RABGAP1L: variants seen among roughly 807,000 people sequenced by gnomAD.
The protein encoded by RABGAP1L is RAB GTPase activating protein 1 like, also known as rab GTPase-activating protein 1-like.
A neutral mutation model predicts 137.7 loss-of-function variants in RABGAP1L; 63 were observed. The observed-to-expected ratio is 0.46, with a 90% CI of 0.37 to 0.56. RABGAP1L has a LOEUF of 0.56. RABGAP1L is among the 20% of genes least tolerant of loss of function. The pLI is 0.00. For synonymous variants in RABGAP1L, 431 were observed against 433.7 expected, an observed-to-expected ratio of 0.99 and a Z score of 0.08; for missense variants, 1,095 against 1,244.0, an observed-to-expected ratio of 0.88 and a Z score of 1.80.
chr1:174,350,884 C>T (rs1683102809), intron 11 of RABGAP1L, among the ~76,000 whole-genome samples: 1 of 103,116 alleles, frequency 9.7e-6, no homozygotes, highest in African/African-American at 3.9e-5. Flanking sequence ...CGGTTAGGGG[C>T]TGGAGACCGG....
rs1450407525 is a variant in RABGAP1L at position 174,448,816 on chromosome 1, A to C, written c.1710+54671A>C. Reference sequence around the variant, plus strand: ...TCAAAATTTGCCGTCAGCACACCAAAGAGATAAATGACCGAAGAGCCCGAT... The same window carrying C: ...TCAAAATTTGCCGTCAGCACACCAACGAGATAAATGACCGAAGAGCCCGAT... On this transcript the variant is annotated intron_variant, in intron 13 of 25. Transcript: ENST00000681986. The surrounding 1 kb of genome is among the most constrained non-coding windows in gnomAD (Gnocchi z 4.2). 3 of 1,614,080 alleles carry C rather than the reference A, an allele frequency of 1.9e-6. No individual in the cohort carries two copies. The highest frequency in any genetic ancestry group is 2.5e-6 in the Non-Finnish European group (3 of 1,179,934).
intron 13 of RABGAP1L, among the ~76,000 whole-genome samples, chr1:174,625,946 A>G (rs965614029): frequency 2.0e-5 from 3 of 152,336 alleles, no homozygotes. Flanking sequence ...GTATTTCAAA[A>G]GAGTTCAAAG....
At chr1:174,769,808 A>T (rs201661811) in intron 18 of RABGAP1L, among the ~76,000 whole-genome samples, 3 of 151,938 alleles carry the variant, frequency 2.0e-5, no homozygotes, top group African/African-American at 7.3e-5. Flanking sequence ...AGCCGAGATC[A>T]CGCCACTGCA....
At chr1:174,473,675 T>C (rs1658187499) in intron 13 of RABGAP1L, among the ~76,000 whole-genome samples, 1 of 152,250 alleles carries the variant, frequency 6.6e-6, no homozygotes, top group Non-Finnish European at 1.5e-5. Flanking sequence ...TGTTAAACTT[T>C]AAAAGTTCTC....
intron 24 of RABGAP1L, among the ~76,000 whole-genome samples, chr1:174,984,425 A>G (rs1215252069): frequency 6.6e-6 from 1 of 152,254 alleles, no homozygotes; most frequent in African/African-American, 2.4e-5. Flanking sequence ...ATGCAAATTA[A>G]GAACTTCGGA....
At chr1:174,201,441 G>A (rs1188892471) in intron 1 of RABGAP1L, among the ~76,000 whole-genome samples, 8 of 152,098 alleles carry the variant, frequency 5.3e-5, no homozygotes, top group African/African-American at 7.2e-5. Flanking sequence ...CAGGTGATCC[G>A]CCCACCTTGG....
intron 13 of RABGAP1L, among the ~76,000 whole-genome samples, chr1:174,437,293 C>G (rs1205114162): frequency 1.3e-5 from 2 of 151,944 alleles, no homozygotes; most frequent in East Asian, 3.9e-4. Context: ...GAAGTTCGAA[C>G]CAATGGCAAA....
At chr1:174,729,806 G>A (rs1347124734) in intron 17 of RABGAP1L, among the ~76,000 whole-genome samples, 3 of 152,060 alleles carry the variant, frequency 2.0e-5, no homozygotes, top group Non-Finnish European at 4.4e-5. Flanking sequence ...TTATTAAAAA[G>A]TAAAAATAAA....
At chr1:174,908,168 A>G (rs923355170) in intron 19 of RABGAP1L, among the ~76,000 whole-genome samples, 1 of 152,220 alleles carries the variant, frequency 6.6e-6, no homozygotes, top group African/African-American at 2.4e-5. Context: ...GCAGATGTTA[A>G]ATCTAAAAGG....
chr1:174,270,610 A>C (rs1190607076), intron 7 of RABGAP1L, among the ~76,000 whole-genome samples: 2 of 152,012 alleles, frequency 1.3e-5, no homozygotes, highest in African/African-American at 4.8e-5. Context: ...AAAAATTAAA[A>C]AAAATCTTTT....
intron 1 of RABGAP1L, among the ~76,000 whole-genome samples, chr1:174,195,841 T>TC (rs1336906099): frequency 1.3e-4 from 16 of 127,800 alleles, no homozygotes; most frequent in Non-Finnish European, 2.1e-4. Flanking sequence ...TTCTTCTTCT[T>TC]TTTTTTTTTT....
intron 1 of RABGAP1L, among the ~76,000 whole-genome samples, chr1:174,208,404 G>A (rs766091296): frequency 4.6e-5 from 7 of 152,044 alleles, no homozygotes; most frequent in African/African-American, 7.2e-5. Context: ...TGTCTGCTTC[G>A]TGATTATTAA....
intron 1 of RABGAP1L, among the ~76,000 whole-genome samples, chr1:174,202,471 A>G (rs934440417): frequency 2.6e-5 from 4 of 152,142 alleles, no homozygotes; most frequent in Admixed American, 2.6e-4. Flanking sequence ...GTCTGTTCAT[A>G]TCCTTCGCCT....
intron 19 of RABGAP1L, among the ~76,000 whole-genome samples, chr1:174,927,516 C>T (rs1381598929): frequency 2.0e-5 from 3 of 152,102 alleles, no homozygotes; most frequent in Non-Finnish European, 4.4e-5. Context: ...AGGAATGAGA[C>T]AACACACCAA....
At chr1:174,539,853 T>C (rs547540934) in intron 13 of RABGAP1L, among the ~76,000 whole-genome samples, 47 of 152,352 alleles carry the variant, frequency 3.1e-4, no homozygotes, top group East Asian at 2.1e-3. Context: ...TTCTAGATCA[T>C]TGAGGAATCG....
rs1056607107 is a variant in RABGAP1L at position 174,624,962 on chromosome 1, C to G, written c.1711-12413C>G. Among the ~76,000 whole-genome samples, 10 of 151,736 alleles carry G rather than the reference C, an allele frequency of 6.6e-5. No homozygotes were observed. The South Asian group carries it at 8.4e-4, about 13-fold the overall frequency. Reference sequence around the variant, plus strand: ...CTTGGTTCACTGCAACCTCCGCCCCCCTGAGTTCAAGCGATTCTCCTGCCT... The same window carrying G: ...CTTGGTTCACTGCAACCTCCGCCCCGCTGAGTTCAAGCGATTCTCCTGCCT... On this transcript the variant is annotated intron_variant, in intron 13 of 25. Coordinates refer to ENST00000681986, the MANE Select transcript of RABGAP1L (RefSeq NM_001366446.1).
intron 10 of RABGAP1L, among the ~76,000 whole-genome samples, chr1:174,290,190 C>T (rs1462478781): frequency 5.3e-5 from 8 of 152,224 alleles, no homozygotes; most frequent in Non-Finnish European, 1.2e-4. Flanking sequence ...GAGCTGCTGC[C>T]TGGGCTCCTT....
chr1:174,620,804 T>TC (rs1672381850), intron 13 of RABGAP1L, among the ~76,000 whole-genome samples: 1 of 143,762 alleles, frequency 7.0e-6, no homozygotes, highest in Admixed American at 6.7e-5. Context: ...ATGAAGGAAA[T>TC]AGAGACACAA....
At chr1:174,539,402 C>T (rs1014891193) in intron 13 of RABGAP1L, among the ~76,000 whole-genome samples, 2 of 152,014 alleles carry the variant, frequency 1.3e-5, no homozygotes, top group African/African-American at 4.8e-5. Flanking sequence ...ATTAACTTGT[C>T]ATTTACATTA....
Sources: allele counts gnomAD v4.1 joint callset (sites outside exome capture counted in the v4.1 genomes callset), GRCh38; gene constraint gnomAD v4.1.1; non-coding constraint Gnocchi (gnomAD v3.1); transcripts MANE v1.5; gene names NCBI Gene and HGNC (gene_info 2026-07-23, HGNC 2026-07-21).